The following OPCML variants were observed in gnomAD, a reference collection of about 807,000 sequenced individuals.
The protein encoded by OPCML is opioid-binding protein/cell adhesion molecule.
Under a neutral mutation model 37.8 loss-of-function variants are expected in OPCML, and 13 were observed. That is an observed-to-expected ratio of 0.34 (90% CI 0.22 to 0.55). The LOEUF is 0.55. OPCML is among the 20% of genes least tolerant of loss of function. OPCML has a pLI of 0.91. For synonymous variants in OPCML, 176 were observed against 168.8 expected, an observed-to-expected ratio of 1.04 and a Z score of -0.33; for missense variants, 341 against 435.6, an observed-to-expected ratio of 0.78 and a Z score of 1.93.
At chr11:133,151,551 T>C (rs1323399268) in intron 1 of OPCML, among the ~76,000 whole-genome samples, 2 of 152,152 alleles carry the variant, frequency 1.3e-5, no homozygotes, top group Admixed American at 1.3e-4. Flanking sequence ...GTATATAAAT[T>C]TGATCCCTGA....
At chr11:133,472,674 G>A (rs1416382562) in intron 1 of OPCML, among the ~76,000 whole-genome samples, 2 of 151,902 alleles carry the variant, frequency 1.3e-5, no homozygotes, top group East Asian at 1.9e-4. Flanking sequence ...TCCAGAAATA[G>A]CCTGTGGCAA....
chr11:133,168,708 A>G (rs1950247650), intron 1 of OPCML, among the ~76,000 whole-genome samples: 1 of 152,220 alleles, frequency 6.6e-6, no homozygotes, highest in Non-Finnish European at 1.5e-5. Context: ...TCAGTATGCA[A>G]ACAAAAGCTA....
At chr11:132,996,737 T>C (rs1946896028) in intron 1 of OPCML, among the ~76,000 whole-genome samples, 1 of 152,146 alleles carries the variant, frequency 6.6e-6, no homozygotes, top group Non-Finnish European at 1.5e-5. Flanking sequence ...TTAGTGTGCC[T>C]GGCACAAACA....
chr11:132,808,740 A>C (rs1400096340), intron 2 of OPCML, among the ~76,000 whole-genome samples: 1 of 152,174 alleles, frequency 6.6e-6, no homozygotes, highest in East Asian at 1.9e-4. Context: ...TTCTCTTGGC[A>C]AACTACACAG....
At chr11:132,857,595 A>C (rs571961788) in intron 2 of OPCML, among the ~76,000 whole-genome samples, 28 of 152,310 alleles carry the variant, frequency 1.8e-4, no homozygotes, top group Non-Finnish European at 3.4e-4. Context: ...AAATATATAT[A>C]TACTGTAACT....
At chr11:133,202,758 C>T (rs1354000919) in intron 1 of OPCML, among the ~76,000 whole-genome samples, 1 of 152,238 alleles carries the variant, frequency 6.6e-6, no homozygotes, top group African/African-American at 2.4e-5. Flanking sequence ...CTCTGCCACA[C>T]CAGCCAAGGG....
At chr11:133,087,245 C>T (rs942945460) in intron 1 of OPCML, among the ~76,000 whole-genome samples, 2 of 152,036 alleles carry the variant, frequency 1.3e-5, no homozygotes, top group African/African-American at 4.8e-5. Context: ...TTTTAAATAG[C>T]AGTTTTGAAG....
chr11:132,644,316 G>A (rs1254840795), intron 3 of OPCML, among the ~76,000 whole-genome samples: 1 of 152,036 alleles, frequency 6.6e-6, no homozygotes, highest in Non-Finnish European at 1.5e-5. Flanking sequence ...CCCTTCATCT[G>A]TCAATCAGAG....
chr11:133,142,665 G>T (rs1271075429), intron 1 of OPCML, among the ~76,000 whole-genome samples: 2 of 152,102 alleles, frequency 1.3e-5, no homozygotes, highest in Admixed American at 6.5e-5. Context: ...GAATAAAAGT[G>T]CATGAGCTGC....
intron 2 of OPCML, among the ~76,000 whole-genome samples, chr11:132,895,278 C>T (rs1187293140): frequency 6.6e-6 from 1 of 152,208 alleles, no homozygotes; most frequent in African/African-American, 2.4e-5. Context: ...AACATTTGTG[C>T]AGAACCAACG....
At chr11:133,432,054 C>T (rs988145898) in intron 1 of OPCML, among the ~76,000 whole-genome samples, 22 of 151,810 alleles carry the variant, frequency 1.4e-4, no homozygotes, top group African/African-American at 4.8e-4. Flanking sequence ...TGAGTACATA[C>T]GGACATAAAG....
At position 132,660,833 on chromosome 11, in the gene OPCML, G is replaced by A. The variant is rs567824836; in HGVS notation, c.147-3514C>T. On this transcript the variant is annotated intron_variant, in intron 2 of 7. Transcript: ENST00000524381. Reference sequence around the variant, plus strand: ...GATGGAGGTGACAAAGAAAGCCAAAGAAGTTTATCTCCTGGACGAAGTGTG... The same window carrying A: ...GATGGAGGTGACAAAGAAAGCCAAAAAAGTTTATCTCCTGGACGAAGTGTG... Among the ~76,000 whole-genome samples, 3 of 152,258 alleles carry A rather than the reference G, an allele frequency of 2.0e-5. No homozygotes were observed. In the East Asian group the frequency reaches 5.8e-4, roughly 29 times the overall value.
At chr11:132,819,614 T>C (rs969341213) in intron 2 of OPCML, among the ~76,000 whole-genome samples, 3 of 152,208 alleles carry the variant, frequency 2.0e-5, no homozygotes, top group Middle Eastern at 3.2e-3. Context: ...CTATTCAACA[T>C]GCTGCCATTA....
intron 1 of OPCML, among the ~76,000 whole-genome samples, chr11:133,121,288 CAG>C (rs545941630): frequency 1.5e-3 from 228 of 152,332 alleles, no homozygotes; most frequent in African/African-American, 5.3e-3. Flanking sequence ...TATAACTGCA[CAG>C]AGTCACTTCC....
intron 1 of OPCML, among the ~76,000 whole-genome samples, chr11:133,367,678 C>T (rs1257664640): frequency 6.6e-6 from 1 of 152,168 alleles, no homozygotes; most frequent in African/African-American, 2.4e-5. Flanking sequence ...AGTCACAAAT[C>T]CCATCTGTTT....
At chr11:132,588,407 T>C (rs1275495169) in intron 3 of OPCML, among the ~76,000 whole-genome samples, 2 of 151,868 alleles carry the variant, frequency 1.3e-5, no homozygotes. Context: ...CAGATGCCAG[T>C]GGAAGAAAAA....
intron 1 of OPCML, among the ~76,000 whole-genome samples, chr11:133,290,264 T>C (rs1041403970): frequency 6.6e-6 from 1 of 152,122 alleles, no homozygotes; most frequent in African/African-American, 2.4e-5. Flanking sequence ...CAATGAGGGA[T>C]GGTAGAGTTG....
At chr11:132,475,286 G>A (rs184612809) in intron 4 of OPCML, among the ~76,000 whole-genome samples, 8 of 152,308 alleles carry the variant, frequency 5.3e-5, no homozygotes, top group Middle Eastern at 3.4e-3. Flanking sequence ...TGAGTGTACA[G>A]AAACAAAGGA....
chr11:133,431,686 A>G (rs1230678273), intron 1 of OPCML, among the ~76,000 whole-genome samples: 1 of 151,488 alleles, frequency 6.6e-6, no homozygotes, highest in African/African-American at 2.4e-5. Context: ...GCTGGTCTGG[A>G]ACTCTCCACC....
Sources: gnomAD v4.1 joint callset for allele counts (sites outside exome capture counted in the v4.1 genomes callset) on GRCh38, gnomAD v4.1.1 for gene constraint, MANE v1.5 for transcripts, NCBI Gene and HGNC (gene_info 2026-07-23, HGNC 2026-07-21) for gene names.